FOLH1: variants seen among roughly 807,000 people sequenced by gnomAD.
FOLH1 encodes the protein glutamate carboxypeptidase 2.
In FOLH1, 54 loss-of-function variants were observed where a neutral mutation model predicts 93.9. The observed-to-expected ratio is 0.57, with a 90% CI of 0.46 to 0.72. The LOEUF (loss-of-function observed/expected upper bound fraction) is 0.72, where lower values mean the gene tolerates loss of function less well. Among genes scored for constraint, FOLH1 ranks in the 30% least tolerant of loss-of-function variants. The pLI is 0.00. For missense variants in FOLH1, 571 were observed against 892.5 expected, an observed-to-expected ratio of 0.64 and a Z score of 4.59; for synonymous variants, 249 against 303.6, an observed-to-expected ratio of 0.82 and a Z score of 1.87.
chr11:49,151,397 CGCGCGT>C (rs1432131373), intron 17 of FOLH1, among the ~76,000 whole-genome samples: 3 of 151,428 alleles, frequency 2.0e-5, no homozygotes, highest in Non-Finnish European at 2.9e-5. Flanking sequence ...CACGTAAATG[CGCGCGT>C]GCGCGTGCGT....
At chr11:49,149,787 T>G (rs1856272866) in intron 17 of FOLH1, among the ~76,000 whole-genome samples, 1 of 152,278 alleles carries the variant, frequency 6.6e-6, no homozygotes, top group African/African-American at 2.4e-5. Flanking sequence ...TCCATCCTAC[T>G]TTTAGATATT....
intron 6 of FOLH1, among the ~76,000 whole-genome samples, chr11:49,184,788 T>C (rs1360831055): frequency 6.6e-6 from 1 of 152,184 alleles, no homozygotes; most frequent in East Asian, 1.9e-4. Flanking sequence ...AACTTAATGA[T>C]CACAGATTTT....
intron 3 of FOLH1, among the ~76,000 whole-genome samples, chr11:49,193,879 G>A (rs202703): frequency 0.32 from 49,230 of 151,870 alleles, 9,338 homozygotes; most frequent in African/African-American, 0.53. Flanking sequence ...CAATATCCTG[G>A]CCAGGTGAGG....
intron 11 of FOLH1, among the ~76,000 whole-genome samples, chr11:49,169,820 CAA>C (rs1235961421): frequency 6.6e-6 from 1 of 152,018 alleles, no homozygotes; most frequent in African/African-American, 2.4e-5. Flanking sequence ...CAAAGCGTAG[CAA>C]AGTTTTTTTG....
At chr11:49,189,013 T>C (rs779791975) in intron 4 of FOLH1, among the ~76,000 whole-genome samples, 2 of 152,206 alleles carry the variant, frequency 1.3e-5, no homozygotes, top group Non-Finnish European at 2.9e-5. Flanking sequence ...TTGAAAACAA[T>C]ATTTCTAATT....
At chr11:49,172,973 T>C (rs1859532134) in intron 10 of FOLH1, among the ~76,000 whole-genome samples, 1 of 152,172 alleles carries the variant, frequency 6.6e-6, no homozygotes. Context: ...GTACACGTAA[T>C]CTGAGGTCTG....
At chr11:49,147,576 G>C (rs1298616430) in intron 18 of FOLH1, among the ~76,000 whole-genome samples, 1 of 152,000 alleles carries the variant, frequency 6.6e-6, no homozygotes, top group Non-Finnish European at 1.5e-5. Flanking sequence ...TATAGAATGG[G>C]CTATGACAGT....
chr11:49,176,684 A>G (rs1860081641), intron 7 of FOLH1, among the ~76,000 whole-genome samples: 1 of 151,920 alleles, frequency 6.6e-6, no homozygotes, highest in Non-Finnish European at 1.5e-5. Flanking sequence ...AGAGAGACAA[A>G]TGTGTTTCCA....
intron 6 of FOLH1, among the ~76,000 whole-genome samples, chr11:49,183,940 A>T (rs1861080309): frequency 6.6e-6 from 1 of 152,178 alleles, no homozygotes; most frequent in Non-Finnish European, 1.5e-5. Flanking sequence ...AAGTGACATA[A>T]ACACATGCAA....
At chr11:49,152,058 C>G (rs1226429283) in intron 17 of FOLH1, among the ~76,000 whole-genome samples, 2 of 151,986 alleles carry the variant, frequency 1.3e-5, no homozygotes, top group Admixed American at 1.3e-4. Context: ...AATTTTACAA[C>G]CTTTTTGCTT....
At chr11:49,189,927 G>A (rs546905305) in intron 4 of FOLH1, among the ~76,000 whole-genome samples, 3 of 152,230 alleles carry the variant, frequency 2.0e-5, no homozygotes, top group Admixed American at 2.0e-4. Context: ...ACTGACATTT[G>A]AATCTTTGCC....
Position 49,185,670 on chromosome 11 carries a change from A to G in FOLH1, c.825T>C (p.Asn275=). 6.2e-7 allele frequency: 1 copy of G among 1,613,564 alleles called. No individual in the cohort carries two copies. Among genetic ancestry groups the G allele is most frequent in the East Asian group, 2.2e-5 (1 of 44,866 alleles). Residue 275 remains asparagine (N), a splice_region_variant and synonymous_variant, in exon 6 of 19, where the codon AAT becomes AAC. Coordinates refer to ENST00000256999, the MANE Select transcript of FOLH1 (RefSeq NM_004476.3). ...GDPLTPGYPA[N]EYAYRRGIAE... is the part of the protein sequence containing the mutation. ...GATATTCAAGGATTGATCATTCACC[A>G]TTTGCTGGGTAACCTGGTGTGAGAG... is the stretch of plus-strand genomic sequence containing the variant.
intron 3 of FOLH1, among the ~76,000 whole-genome samples, chr11:49,193,590 T>C (rs1390509151): frequency 6.6e-6 from 1 of 152,186 alleles, no homozygotes; most frequent in Non-Finnish European, 1.5e-5. Flanking sequence ...ATCTAGATTC[T>C]CTGAACAACA....
At chr11:49,153,983 T>G in intron 16 of FOLH1, 56 bp from the exon 17 acceptor site, 1 of 1,416,986 alleles carries the variant, frequency 7.1e-7, no homozygotes, top group Non-Finnish European at 9.6e-7. Flanking sequence ...CTAATGGCAC[T>G]GCTCTATAGT....
intron 7 of FOLH1, among the ~76,000 whole-genome samples, chr11:49,182,057 A>G (rs1487633931): frequency 1.3e-5 from 2 of 152,134 alleles, no homozygotes; most frequent in African/African-American, 4.8e-5. Context: ...GGCTGGGCGC[A>G]GTGCCTCATG....
chr11:49,182,785 A>G (rs1052258872), intron 7 of FOLH1, among the ~76,000 whole-genome samples: 6 of 152,212 alleles, frequency 3.9e-5, no homozygotes, highest in Admixed American at 6.5e-5. Flanking sequence ...AGTGCCTTCC[A>G]GAAACAGGCC....
intron 17 of FOLH1, among the ~76,000 whole-genome samples, chr11:49,149,649 G>A (rs2134846921): frequency 6.6e-6 from 1 of 152,136 alleles, no homozygotes; most frequent in East Asian, 1.9e-4. Flanking sequence ...TCAGATTCAA[G>A]CTTGTAGAGT....
intron 1 of FOLH1, chr11:49,206,688 C>G (rs1329943933): frequency 1.5e-6 from 2 of 1,301,902 alleles, no homozygotes; most frequent in South Asian, 1.4e-5. Context: ...GATTCTGAAA[C>G]TAAAACAAAA....
rs775479716 is a variant in FOLH1 at position 49,174,944 on chromosome 11, T to C, written c.1053A>G (p.Glu351=). ...CTATCACATTGTAAATTCTTGTCAC[T>C]TCATTGGTAGAGTGGATGTGCATCT... ...KVKMHIHSTN[E]VTRIYNVIGT... is the part of the protein sequence containing the mutation. The change falls in exon 9 of 19, where the codon GAA becomes GAG. Residue 351 remains glutamate, a synonymous_variant. Transcript: ENST00000256999. 3.8e-5 allele frequency: 62 copies of C among 1,610,866 alleles called. No individual in the cohort carries two copies. Among genetic ancestry groups the C allele is most frequent in the Non-Finnish European group, 5.3e-5 (62 of 1,178,168 alleles).
Sources: gnomAD v4.1 joint callset for allele counts (sites outside exome capture counted in the v4.1 genomes callset) on GRCh38, gnomAD v4.1.1 for gene constraint, MANE v1.5 for transcripts, NCBI Gene and HGNC (gene_info 2026-07-23, HGNC 2026-07-21) for gene names.